Variants in DNAI7 observed in about 807,000 individuals in gnomAD.
The protein encoded by DNAI7 is cancer susceptibility 1.
A neutral mutation model predicts 86.6 loss-of-function variants in DNAI7; 78 were observed. The ratio of observed to expected loss-of-function variants is 0.90; its 90% confidence interval spans 0.75 to 1.09. The LOEUF (loss-of-function observed/expected upper bound fraction) is 1.09. Among genes scored for constraint, DNAI7 ranks in the 50% least tolerant of loss-of-function variants. The pLI, the probability that DNAI7 is intolerant of heterozygous loss-of-function variation, is 0.00. For synonymous variants in DNAI7, 274 were observed against 273.0 expected (o/e 1.00, Z -0.04); for missense variants, 753 against 810.2 (o/e 0.93, Z 0.86).
intron 2 of DNAI7, among the ~76,000 whole-genome samples, chr12:25,167,395 C>T (rs184205181): frequency 6.6e-5 from 10 of 152,258 alleles, no homozygotes; most frequent in African/African-American, 2.4e-4. Context: ...TAGATGATCT[C>T]TGCTGGCAGG....
intron 13 of DNAI7, 131 bp from the exon 14 acceptor site, chr12:25,112,070 G>T: frequency 2.1e-6 from 1 of 467,352 alleles, no homozygotes; most frequent in Non-Finnish European, 3.6e-6. Context: ...AAAGAATGCA[G>T]GGCAAGTATA....
intron 12 of DNAI7, 66 bp from the exon 13 acceptor site, chr12:25,114,936 A>T: frequency 8.0e-7 from 1 of 1,255,718 alleles, no homozygotes; most frequent in Non-Finnish European, 1.1e-6. Flanking sequence ...GATAAATGAA[A>T]GCACCAAAAA....
In DNAI7 at chr12:25,190,616, T is replaced by C; in HGVS notation, c.19A>G (p.Lys7Glu). The part of the protein sequence containing the change: MGPKAK[K>E]SGSKKKKVTK... ...ATTTTGAAAAAAATTCTACATACCT[T>C]TTTTGCTTTGGGACCCTAAAAGTTG... The change falls in exon 2 of 16, where the codon AAG becomes GAG. Residue 7 changes from lysine (K) to glutamate (E), a missense_variant and splice_region_variant. Physicochemically the swap from Lys to Glu is moderately conservative, Grantham distance 56. Transcript: ENST00000395987. The C allele has an allele frequency of 7.1e-7, 1 of 1,406,550 alleles. No homozygotes were observed. Among genetic ancestry groups the C allele is most frequent in the Non-Finnish European group, 9.7e-7 (1 of 1,025,850 alleles). The allele number at this position is 1,406,550 out of a possible 1,614,324, so 87.1% of individuals were successfully genotyped here. A position where few individuals can be genotyped will look rare whatever the true frequency, so the allele number is the denominator to read the frequency against.
At chr12:25,134,966 G>T (rs1419311382) in intron 9 of DNAI7, among the ~76,000 whole-genome samples, 2 of 152,164 alleles carry the variant, frequency 1.3e-5, no homozygotes, top group Non-Finnish European at 2.9e-5. Flanking sequence ...TGGCAGATAT[G>T]AGGCAGGACT....
intron 10 of DNAI7, among the ~76,000 whole-genome samples, 184 bp from the exon 11 acceptor site, chr12:25,122,097 G>A (rs1941392770): frequency 6.6e-6 from 1 of 152,196 alleles, no homozygotes; most frequent in Admixed American, 6.5e-5. Flanking sequence ...ACAGGCATGA[G>A]TAATGGTGGG....
intron 2 of DNAI7, among the ~76,000 whole-genome samples, chr12:25,183,272 TG>T (rs1223457490): frequency 4.6e-5 from 7 of 151,910 alleles, no homozygotes; most frequent in African/African-American, 1.7e-4. Flanking sequence ...AACTACGTAT[TG>T]GGACTAAGTT....
intron 2 of DNAI7, among the ~76,000 whole-genome samples, chr12:25,170,079 A>T (rs1345181620): frequency 6.6e-6 from 1 of 152,040 alleles, no homozygotes; most frequent in Non-Finnish European, 1.5e-5. Context: ...ACAAAGAGGG[A>T]TAGTGTATAA....
chr12:25,154,795 T>C (rs573995302), intron 5 of DNAI7, among the ~76,000 whole-genome samples: 1 of 152,340 alleles, frequency 6.6e-6, no homozygotes, highest in African/African-American at 2.4e-5. Context: ...AATTTCTACT[T>C]CCCAAGTTAT....
At chr12:25,184,905 G>T (rs1039894535) in intron 2 of DNAI7, among the ~76,000 whole-genome samples, 7 of 148,290 alleles carry the variant, frequency 4.7e-5, no homozygotes, top group Admixed American at 4.1e-4. Context: ...GGTCAAAGCA[G>T]AATTGCTTGA....
At chr12:25,173,747 T>TAC (rs556531489) in intron 2 of DNAI7, among the ~76,000 whole-genome samples, 47 of 151,370 alleles carry the variant, frequency 3.1e-4, no homozygotes, top group African/African-American at 7.3e-4. Context: ...TATATATATA[T>TAC]ACACACACAC....
At chr12:25,184,406 A>C (rs1592707012) in intron 2 of DNAI7, among the ~76,000 whole-genome samples, 1 of 152,084 alleles carries the variant, frequency 6.6e-6, no homozygotes, top group Non-Finnish European at 1.5e-5. Flanking sequence ...GGCTTCTTCC[A>C]TTTAGCATGC....
chr12:25,119,867 A>G (rs1185689557), intron 11 of DNAI7, among the ~76,000 whole-genome samples: 3 of 152,234 alleles, frequency 2.0e-5, no homozygotes, highest in African/African-American at 7.2e-5. Flanking sequence ...GGGAAGGAAG[A>G]AAGATTTAAA....
intron 9 of DNAI7, among the ~76,000 whole-genome samples, chr12:25,129,767 A>AT (rs35452557): frequency 0.035 from 5,249 of 148,828 alleles, 317 homozygotes; most frequent in African/African-American, 0.12. Flanking sequence ...TTTTATTTTT[A>AT]TTTTTTTTTT....
chr12:25,136,359 G>C (rs548291074), intron 9 of DNAI7, among the ~76,000 whole-genome samples: 2 of 152,238 alleles, frequency 1.3e-5, no homozygotes, highest in East Asian at 3.9e-4. Context: ...GTAGGGGAAG[G>C]GGGAGAGCCC....
intron 9 of DNAI7, among the ~76,000 whole-genome samples, chr12:25,127,643 A>G (rs867071369): frequency 1.2e-4 from 19 of 152,338 alleles, no homozygotes; most frequent in Admixed American, 5.9e-4. Context: ...TCTTGTCTCA[A>G]TGTATACGAG....
intron 8 of DNAI7, 73 bp downstream of exon 8, chr12:25,146,927 AT>A: frequency 1.3e-6 from 1 of 784,716 alleles, no homozygotes; most frequent in Non-Finnish European, 2.2e-6. Context: ...TGCAATAGGC[AT>A]CTATCTGGCA....
chr12:25,127,949 T>C (rs1942374282), intron 9 of DNAI7, among the ~76,000 whole-genome samples: 1 of 152,164 alleles, frequency 6.6e-6, no homozygotes, highest in African/African-American at 2.4e-5. Context: ...TGCAATAAAA[T>C]AAATTTAGAT....
At chr12:25,172,857 A>T (rs1023554236) in intron 2 of DNAI7, among the ~76,000 whole-genome samples, 5 of 152,204 alleles carry the variant, frequency 3.3e-5, no homozygotes, top group African/African-American at 1.2e-4. Flanking sequence ...TGGGGAAAGG[A>T]CATCCTTTTC....
At position 25,149,789 on chromosome 12, in the gene DNAI7, A is replaced by G. The variant is rs1565732905; in HGVS notation, c.439-15T>C. Reference sequence around the variant, plus strand: ...TTCTCAATTAACTGTAAAGTAAAAGAATATTTGCATTAATTCTCAGAGAAA... The same window carrying G: ...TTCTCAATTAACTGTAAAGTAAAAGGATATTTGCATTAATTCTCAGAGAAA... On this transcript the variant is annotated splice_polypyrimidine_tract_variant and intron_variant, in intron 6 of 15. Transcript: ENST00000395987. The G allele has an allele frequency of 7.0e-7, 1 of 1,420,844 alleles. No individual in the cohort carries two copies. The highest frequency in any genetic ancestry group is 1.4e-5 in the African/African-American group (1 of 70,402). 88.0% of individuals were successfully genotyped at this position (1,420,844 alleles called of 1,614,324 possible). A position where few individuals can be genotyped will look rare whatever the true frequency, so the allele number is the denominator to read the frequency against.
Sources: allele counts gnomAD v4.1 joint callset (sites outside exome capture counted in the v4.1 genomes callset), GRCh38; gene constraint gnomAD v4.1.1; transcripts MANE v1.5; gene names NCBI Gene and HGNC (gene_info 2026-07-23, HGNC 2026-07-21).